Variants in GALNT13 observed in about 807,000 individuals in gnomAD.
The protein encoded by GALNT13 is polypeptide N-acetylgalactosaminyltransferase 13.
GALNT13 carries 28 observed loss-of-function variants against 64.2 expected under a neutral mutation model. The observed-to-expected ratio is 0.44, with a 90% confidence interval of 0.32 to 0.60. The LOEUF (loss-of-function observed/expected upper bound fraction) is 0.60. Ranked by LOEUF, GALNT13 falls within the 20% of genes least tolerant of loss-of-function variation. The pLI is 0.05. For missense variants in GALNT13, 577 were observed against 669.8 expected (o/e 0.86, Z 1.53); for synonymous variants, 214 against 224.6 (o/e 0.95, Z 0.42).
the GALNT13 span, among the ~76,000 whole-genome samples, chr2:153,539,999 C>T: frequency 2.0e-5 from 3 of 152,168 alleles, no homozygotes; most frequent in East Asian, 1.9e-4. Flanking sequence ...GCTGCAGAAA[C>T]GTGCACAAGT....
At chr2:154,208,581 T>C (rs1017164788) in intron 4 of GALNT13, among the ~76,000 whole-genome samples, 6 of 151,814 alleles carry the variant, frequency 4.0e-5, no homozygotes, top group African/African-American at 1.5e-4. Flanking sequence ...GAATCTGATA[T>C]CTGAAGCACT....
intron 3 of GALNT13, among the ~76,000 whole-genome samples, chr2:154,105,461 G>A (rs777110634): frequency 1.1e-4 from 17 of 152,090 alleles, no homozygotes; most frequent in Non-Finnish European, 2.1e-4. Flanking sequence ...ATTCAGTAAA[G>A]TAACATGCTT....
At chr2:154,410,655 A>T (rs1699751528) in intron 11 of GALNT13, among the ~76,000 whole-genome samples, 1 of 151,892 alleles carries the variant, frequency 6.6e-6, no homozygotes, top group East Asian at 1.9e-4. Context: ...CCCCACACTC[A>T]CAAGTAGCTG....
At chr2:153,344,811 G>A in the GALNT13 span, among the ~76,000 whole-genome samples, 11 of 152,256 alleles carry the variant, frequency 7.2e-5, 1 homozygote, top group South Asian at 2.3e-3. Flanking sequence ...GCTCAATTGT[G>A]ATAGTCATTT....
the GALNT13 span, among the ~76,000 whole-genome samples, chr2:153,288,274 T>C: frequency 3.9e-5 from 6 of 152,218 alleles, no homozygotes; most frequent in Non-Finnish European, 8.8e-5. Context: ...TATATGTGTG[T>C]GTCTAAACAC....
the GALNT13 span, among the ~76,000 whole-genome samples, chr2:153,391,948 C>G: frequency 1.3e-5 from 2 of 149,760 alleles, no homozygotes; most frequent in African/African-American, 4.9e-5. Flanking sequence ...TTGAAATATA[C>G]TATCTATATT....
intron 9 of GALNT13, among the ~76,000 whole-genome samples, chr2:154,302,293 A>G (rs1366990340): frequency 6.6e-6 from 1 of 152,186 alleles, no homozygotes; most frequent in Admixed American, 6.5e-5. Flanking sequence ...TTAAAACAAA[A>G]AAAGCCAAAA....
At chr2:153,905,812 C>T (rs1688522161) in intron 2 of GALNT13, among the ~76,000 whole-genome samples, 1 of 152,000 alleles carries the variant, frequency 6.6e-6, no homozygotes, top group Admixed American at 6.6e-5. Context: ...CCAACATCAC[C>T]AGTCTTGTAA....
At position 154,409,004 on chromosome 2, in the gene GALNT13, T is replaced by C. The variant is rs756968011; in HGVS notation, c.1317T>C (p.Asn439=). Residue 439 remains asparagine (N), a synonymous_variant, in exon 11 of 13, where the codon AAT becomes AAC. Transcript: ENST00000392825. ...SLGEIRNVET[N]QCLDNMGRKE... ...TTTAGATAAGAAATGTTGAAACCAA[T>C]CAGTGTTTAGACAACATGGGCCGCA... 1.2e-6 allele frequency: 2 copies of C among 1,609,352 alleles called. No homozygotes were observed. The highest frequency in any genetic ancestry group is 8.5e-7 in the Non-Finnish European group (1 of 1,176,396).
chr2:153,925,791 T>C (rs1206527806), intron 2 of GALNT13, among the ~76,000 whole-genome samples: 1 of 152,130 alleles, frequency 6.6e-6, no homozygotes, highest in Non-Finnish European at 1.5e-5. Flanking sequence ...GTCAGTTGTA[T>C]TTCTAAGTAT....
At chr2:153,094,393 C>T in the GALNT13 span, among the ~76,000 whole-genome samples, 1 of 152,070 alleles carries the variant, frequency 6.6e-6, no homozygotes, top group Non-Finnish European at 1.5e-5. Context: ...AAAGAGGACA[C>T]AAACAAATGG....
At chr2:153,303,190 C>T in the GALNT13 span, among the ~76,000 whole-genome samples, 6 of 152,038 alleles carry the variant, frequency 3.9e-5, no homozygotes, top group Non-Finnish European at 5.9e-5. Context: ...TATCTTTCCA[C>T]TTACTTGCAT....
the GALNT13 span, among the ~76,000 whole-genome samples, chr2:153,455,033 T>TG: frequency 6.6e-6 from 1 of 152,090 alleles, no homozygotes; most frequent in Non-Finnish European, 1.5e-5. Context: ...TTTTTTTGAG[T>TG]GGGGGAAGAA....
At chr2:154,263,490 C>T (rs1303592882) in intron 8 of GALNT13, among the ~76,000 whole-genome samples, 2 of 152,014 alleles carry the variant, frequency 1.3e-5, no homozygotes, top group Admixed American at 6.6e-5. Flanking sequence ...TGGCTTTGAT[C>T]ATGGTTAATC....
the GALNT13 span, among the ~76,000 whole-genome samples, chr2:153,729,879 A>G: frequency 1.3e-5 from 2 of 151,866 alleles, no homozygotes; most frequent in Admixed American, 1.3e-4. Flanking sequence ...CAATAGCTAC[A>G]AAAATAGTAA....
chr2:154,067,647 A>G (rs1272785515), intron 3 of GALNT13, among the ~76,000 whole-genome samples: 1 of 152,134 alleles, frequency 6.6e-6, no homozygotes, highest in African/African-American at 2.4e-5. Context: ...AGGAAATATT[A>G]GAGCTAAAAA....
intron 11 of GALNT13, among the ~76,000 whole-genome samples, chr2:154,428,417 A>C (rs1157576069): frequency 2.0e-5 from 3 of 152,238 alleles, no homozygotes; most frequent in African/African-American, 7.2e-5. Flanking sequence ...TATAATTTAA[A>C]TGTAGGGAAA....
the GALNT13 span, among the ~76,000 whole-genome samples, chr2:153,381,193 C>T: frequency 6.6e-6 from 1 of 152,220 alleles, no homozygotes; most frequent in East Asian, 1.9e-4. Flanking sequence ...GCCATCGATC[C>T]TCCTCATCCT....
intron 4 of GALNT13, among the ~76,000 whole-genome samples, chr2:154,195,518 G>T (rs1273323744): frequency 2.0e-5 from 3 of 151,950 alleles, no homozygotes; most frequent in Admixed American, 2.0e-4. Context: ...ATTTCACATT[G>T]TTCAGATGAA....
Sources: allele counts gnomAD v4.1 joint callset (sites outside exome capture counted in the v4.1 genomes callset), GRCh38; gene constraint gnomAD v4.1.1; transcripts MANE v1.5; gene names NCBI Gene and HGNC (gene_info 2026-07-23, HGNC 2026-07-21).